The following SFMBT2 variants were observed in gnomAD, a reference collection of about 807,000 sequenced individuals.
SFMBT2 encodes Scm like with four mbt domains 2, also known as scm-like with four MBT domains protein 2.
A neutral mutation model predicts 110.1 loss-of-function variants in SFMBT2; 38 were observed. The ratio of observed to expected loss-of-function variants is 0.35; its 90% CI spans 0.27 to 0.45. The LOEUF is 0.45. SFMBT2 is among the 20% of genes least tolerant of loss of function. The probability of loss-of-function intolerance (pLI) is 1.00; values close to 1 mark genes in which losing one functional copy is unlikely to be tolerated. For missense variants in SFMBT2, 1,011 were observed against 1,094.9 expected, an observed-to-expected ratio of 0.92 and a Z score of 1.08; for synonymous variants, 425 against 425.4, an observed-to-expected ratio of 1.00 and a Z score of 0.01.
In SFMBT2 at chr10:7,216,770, C is replaced by T. The variant is rs149077436; in HGVS notation, c.1330+3641G>A. On this transcript the variant is annotated intron_variant, in intron 11 of 20. Transcript: ENST00000397167. ...TGCCTCCTCACCTGGAATCCCCATC[C>T]GTATCTTAAAATGCAACTGTTGCTA... Among the ~76,000 whole-genome samples the T allele has an allele frequency of 5.4e-4, 82 of 152,296 alleles. No individual in the cohort carries two copies. The East Asian group carries it at 0.015, about 27-fold the overall frequency.
At chr10:7,257,442 C>A (rs1841061639) in intron 7 of SFMBT2, among the ~76,000 whole-genome samples, 1 of 152,184 alleles carries the variant, frequency 6.6e-6, no homozygotes, top group African/African-American at 2.4e-5. Flanking sequence ...GGGAGAAACA[C>A]ACCTGCCTGG....
intron 2 of SFMBT2, among the ~76,000 whole-genome samples, chr10:7,375,984 G>T (rs1030065801): frequency 6.6e-6 from 1 of 152,102 alleles, no homozygotes; most frequent in African/African-American, 2.4e-5. Context: ...AATACCAAAT[G>T]CCAAGAAGAA....
At chr10:7,388,138 C>T (rs923508148) in intron 1 of SFMBT2, among the ~76,000 whole-genome samples, 2 of 152,080 alleles carry the variant, frequency 1.3e-5, no homozygotes, top group African/African-American at 4.8e-5. Context: ...AGGCACTGTT[C>T]CAGGCATGCG....
At chr10:7,178,139 C>G (rs545498301) in intron 16 of SFMBT2, among the ~76,000 whole-genome samples, 44 of 152,282 alleles carry the variant, frequency 2.9e-4, no homozygotes, top group Non-Finnish European at 6.0e-4. Context: ...TGGGGGGTGA[C>G]AAGAATGGGG....
At chr10:7,338,813 A>C (rs1843800171) in intron 4 of SFMBT2, among the ~76,000 whole-genome samples, 1 of 152,282 alleles carries the variant, frequency 6.6e-6, no homozygotes, top group African/African-American at 2.4e-5. Flanking sequence ...CATCCTCCCT[A>C]AGTCAGTCCT....
At chr10:7,264,086 T>A (rs1008692054) in intron 7 of SFMBT2, 2 of 244,124 alleles carry the variant, frequency 8.2e-6, no homozygotes, top group African/African-American at 4.6e-5. Context: ...AGGGTGTCCA[T>A]GCAGGGAAGG....
intron 4 of SFMBT2, among the ~76,000 whole-genome samples, chr10:7,351,139 A>G (rs1193059610): frequency 1.3e-5 from 2 of 152,172 alleles, no homozygotes; most frequent in Non-Finnish European, 2.9e-5. Flanking sequence ...AAATCAAGTA[A>G]TGTGATTGTT....
chr10:7,279,380 T>C (rs1163356406), intron 6 of SFMBT2, among the ~76,000 whole-genome samples: 1 of 152,210 alleles, frequency 6.6e-6, no homozygotes, highest in African/African-American at 2.4e-5. Context: ...CTCTGTTTTC[T>C]TTCCAATGGT....
chr10:7,211,988 G>A (rs184657610), intron 11 of SFMBT2, among the ~76,000 whole-genome samples: 3 of 152,306 alleles, frequency 2.0e-5, no homozygotes, highest in Admixed American at 1.3e-4. Context: ...ACCACACCAT[G>A]CATTCCCCAT....
intron 9 of SFMBT2, chr10:7,241,453 G>A: frequency 1.5e-6 from 1 of 650,644 alleles, no homozygotes; most frequent in African/African-American, 2.0e-5. Flanking sequence ...ATTCTTTTGA[G>A]TTTCTGAAAA....
intron 4 of SFMBT2, among the ~76,000 whole-genome samples, chr10:7,327,953 T>C (rs1290089320): frequency 6.6e-6 from 1 of 152,202 alleles, no homozygotes; most frequent in African/African-American, 2.4e-5. Flanking sequence ...TATGTGAACG[T>C]AAGTTTTCAT....
At chr10:7,313,624 GTTTT>G (rs1167827044) in intron 4 of SFMBT2, among the ~76,000 whole-genome samples, 3 of 152,190 alleles carry the variant, frequency 2.0e-5, no homozygotes, top group Admixed American at 6.5e-5. Context: ...AACGATTGGG[GTTTT>G]TTGTTTTTGT....
chr10:7,397,763 G>A (rs11255111), intron 1 of SFMBT2, among the ~76,000 whole-genome samples: 3,907 of 152,344 alleles, frequency 0.026, 89 homozygotes, highest in Non-Finnish European at 0.038. Flanking sequence ...TGAAGATGAA[G>A]CGCCGTGTTA....
At chr10:7,253,494 C>A (rs1013341464) in intron 7 of SFMBT2, among the ~76,000 whole-genome samples, 2 of 152,196 alleles carry the variant, frequency 1.3e-5, no homozygotes, top group Non-Finnish European at 2.9e-5. Context: ...AAAACCCACA[C>A]ATGTGATGTT....
At chr10:7,316,622 C>G (rs1294155042) in intron 4 of SFMBT2, among the ~76,000 whole-genome samples, 3 of 152,334 alleles carry the variant, frequency 2.0e-5, no homozygotes, top group Non-Finnish European at 4.4e-5. Flanking sequence ...GGACAAGTCA[C>G]TCAAGCCCTC....
rs1842848675 is a variant in SFMBT2, at chr10:7,311,195, T to C, written c.437-25241A>G. On this transcript the variant is annotated intron_variant, in intron 4 of 20. Coordinates refer to ENST00000397167, the MANE Select transcript of SFMBT2 (RefSeq NM_001387889.1). ...ATGTCCCATTATACAATCCATGTAA[T>C]TGTACACAGAACAAATCTCTTCTTC... Among the ~76,000 whole-genome samples the C allele has an allele frequency of 2.0e-5, 3 of 151,844 alleles. No individual in the cohort carries two copies. The South Asian group carries it at 6.2e-4, about 31-fold the overall frequency.
chr10:7,400,711 G>A (rs556204277), intron 1 of SFMBT2, among the ~76,000 whole-genome samples: 21 of 152,344 alleles, frequency 1.4e-4, no homozygotes, highest in Admixed American at 1.1e-3. Flanking sequence ...ACAGGGACAT[G>A]AGAATGCTTC....
chr10:7,190,593 A>G (rs568593384), intron 15 of SFMBT2, among the ~76,000 whole-genome samples: 14 of 152,354 alleles, frequency 9.2e-5, no homozygotes, highest in African/African-American at 3.4e-4. Flanking sequence ...TGAGCTGAAT[A>G]ATTTCTGTGC....
At chr10:7,239,840 G>T (rs190946116) in intron 9 of SFMBT2, among the ~76,000 whole-genome samples, 2 of 152,180 alleles carry the variant, frequency 1.3e-5, no homozygotes, top group Non-Finnish European at 1.5e-5. Flanking sequence ...GTGTGGATAC[G>T]GTTGTGTAGA....
Sources: allele counts gnomAD v4.1 joint callset (sites outside exome capture counted in the v4.1 genomes callset), GRCh38; gene constraint gnomAD v4.1.1; transcripts MANE v1.5; gene names NCBI Gene and HGNC (gene_info 2026-07-23, HGNC 2026-07-21).